The following RIPOR1 variants were observed in gnomAD, a reference collection of about 807,000 sequenced individuals.
The protein encoded by RIPOR1 is rho family-interacting cell polarization regulator 1.
A neutral mutation model predicts 116.5 loss-of-function variants in RIPOR1; 58 were observed. The ratio of observed to expected loss-of-function variants is 0.50; its 90% CI spans 0.40 to 0.62. The LOEUF (loss-of-function observed/expected upper bound fraction) is 0.62. Among genes scored for constraint, RIPOR1 ranks in the 20% least tolerant of loss-of-function variants. The probability of loss-of-function intolerance (pLI) is 0.00; values close to 1 mark genes in which losing one functional copy is unlikely to be tolerated. For missense variants in RIPOR1, 1,372 were observed against 1,586.2 expected, an observed-to-expected ratio of 0.86 and a Z score of 2.29; for synonymous variants, 605 against 650.0, an observed-to-expected ratio of 0.93 and a Z score of 1.05.
upstream of RIPOR1, among the ~76,000 whole-genome samples, chr16:67,528,000 A>C (rs1398969509): frequency 1.3e-5 from 2 of 152,084 alleles, no homozygotes; most frequent in Non-Finnish European, 2.9e-5. Context: ...TAGGTCTGAC[A>C]TACATGAGGG....
intron 1 of RIPOR1, among the ~76,000 whole-genome samples, chr16:67,522,612 G>C (rs1597610858): frequency 6.6e-6 from 1 of 152,116 alleles, no homozygotes; most frequent in African/African-American, 2.4e-5. Flanking sequence ...TGGGATTACA[G>C]GCATGAGCCA....
rs200327287 is a variant in RIPOR1, at chr16:67,538,588, T to C, written c.104+38T>C. On this transcript the variant is annotated intron_variant, in intron 2 of 21. Coordinates refer to ENST00000042381, the MANE Select transcript of RIPOR1 (RefSeq NM_024519.4). ...GCAGGGTTGGTGGGGTCAAAGGGCG[T>C]CAGATGGGGCTGGGTCTGGGGGTGC... The C allele has an allele frequency of 1.1e-4, 173 of 1,608,608 alleles. No individual in the cohort carries two copies. The African/African-American group carries it at 2.1e-3, about 19-fold the overall frequency.
chr16:67,519,827 C>G (rs769098804), intron 1 of RIPOR1, among the ~76,000 whole-genome samples: 1 of 150,734 alleles, frequency 6.6e-6, no homozygotes, highest in Non-Finnish European at 1.5e-5. Flanking sequence ...TGTGGGAGGC[C>G]GAGGCAGATG....
rs113630101 is a variant in RIPOR1, at chr16:67,542,388, A to G, written c.1602A>G (p.Thr534=). The change falls in exon 13 of 22, where the codon ACA becomes ACG. Residue 534 remains threonine (T), a synonymous_variant. Coordinates refer to ENST00000042381, the MANE Select transcript of RIPOR1 (RefSeq NM_024519.4). The surrounding 1 kb of genome is among the most constrained non-coding windows in gnomAD (Gnocchi z 4.6). ...SAHLDSVHKS[T]DSGPSELPGP... ...ACCTAGACTCAGTTCATAAGTCCAC[A>G]GACTCTGGCCCTTCAGAACTGCCAG... The G allele has an allele frequency of 1.8e-3, 2,832 of 1,613,902 alleles. 4 individuals carry two copies. The highest frequency in any genetic ancestry group is 2.1e-3 in the Non-Finnish European group (2,433 of 1,179,934).
chr16:67,541,436 G>A lies in RIPOR1; in HGVS notation c.808G>A (p.Glu270Lys). 3 of 1,613,760 alleles carry A rather than the reference G, an allele frequency of 1.9e-6. No individual in the cohort carries two copies. The highest frequency in any genetic ancestry group is 2.5e-6 in the Non-Finnish European group (3 of 1,179,788). ...CATGCACTCTTGGCTACAGGTGACA[G>A]AACTGAAGGGCCTGGCCAACCATGT... ...LTEFLSIKVT[E>K]LKGLANHVVV... is the part of the protein sequence containing the mutation. The change falls in exon 11 of 22, where the codon GAA becomes AAA. Residue 270 changes from glutamate to lysine, a missense_variant. Physicochemically the swap from Glu to Lys is moderately conservative, Grantham distance 56. Transcript: ENST00000042381. The surrounding 1 kb of genome is among the most constrained non-coding windows in gnomAD (Gnocchi z 4.6).
rs748266857 is a variant in RIPOR1 at position 67,543,199 on chromosome 16, C to T, written c.2413C>T (p.Arg805Cys). The T allele has an allele frequency of 7.1e-6, 11 of 1,559,646 alleles. No individual in the cohort carries two copies. In the African/African-American group the frequency reaches 9.5e-5, roughly 13 times the overall value. ...GALMAALDDY[R>C]GQFPELQGLE... ...CCTAATGGCTGCCCTGGATGACTAC[C>T]GTGGCCAGTTTCCTGAGCTGCAGGG... The change falls in exon 13 of 22, where the codon CGT (arginine) becomes TGT (cysteine). Residue 805 changes from arginine (R) to cysteine (C), a missense_variant. Arg to Cys is a radical substitution (Grantham distance 180). This residue lies in a region of RIPOR1 where 1,005 missense variants were observed against 1,144.7 expected (regional missense o/e 0.88). Coordinates refer to ENST00000042381, the MANE Select transcript of RIPOR1 (RefSeq NM_024519.4). This position sits in a 1 kb window ranked among gnomAD's most constrained non-coding sequence, Gnocchi z 4.7.
Position 67,541,890 on chromosome 16 carries a change from G to T in RIPOR1, c.1104G>T (p.Glu368Asp), listed in dbSNP as rs190985000. 82 of 1,609,520 alleles carry T rather than the reference G, an allele frequency of 5.1e-5. No individual in the cohort carries two copies. The African/African-American group carries it at 6.8e-4, about 13-fold the overall frequency. The change falls in exon 13 of 22, where the codon GAG (glutamate) becomes GAT (aspartate). Residue 368 changes from glutamate (E) to aspartate (D), a missense_variant. Around this residue, in one of 3 missense-constraint regions of RIPOR1, gnomAD observed 1,005 missense variants for 1,144.7 expected, o/e 0.88. Transcript: ENST00000042381. This position sits in a 1 kb window ranked among gnomAD's most constrained non-coding sequence, Gnocchi z 4.6. ...AGAACATGCTGCGACGGCAGGAGGA[G>T]CTGGAGAATGGGACAGCATGGTCCC... ...AFYNMLRRQE[E>D]LENGTAWSLS...
chr16:67,524,821 C>T (rs2050526573), upstream of RIPOR1, among the ~76,000 whole-genome samples: 1 of 152,236 alleles, frequency 6.6e-6, no homozygotes, highest in Non-Finnish European at 1.5e-5. Context: ...GCCCAGGCCA[C>T]CATCCACTGG....
chr16:67,536,258 G>A (rs1423244061), intron 1 of RIPOR1, among the ~76,000 whole-genome samples: 1 of 152,160 alleles, frequency 6.6e-6, no homozygotes, highest in Non-Finnish European at 1.5e-5. Flanking sequence ...GACCAGCCTG[G>A]CCAACATGGT....
upstream of RIPOR1, among the ~76,000 whole-genome samples, chr16:67,523,964 A>C (rs1360848887): frequency 6.6e-6 from 1 of 152,124 alleles, no homozygotes; most frequent in Non-Finnish European, 1.5e-5. Context: ...GGTGTGAGCC[A>C]CTACCACACC....
rs745578222 is a variant in RIPOR1, at chr16:67,542,561, T to C, written c.1775T>C (p.Ile592Thr). ...LTTTGPTLNI[I>T]GPVQTTTSPT... ...ACTACAGGCCCTACCCTCAATATCA[T>C]AGGCCCAGTCCAGACTACCACAAGC... The change falls in exon 13 of 22, where the codon ATA becomes ACA. Residue 592 changes from isoleucine (I) to threonine (T), a missense_variant. Ile to Thr is a moderately conservative substitution (Grantham distance 89, BLOSUM62 -1). This residue lies in a region of RIPOR1 where 1,005 missense variants were observed against 1,144.7 expected (regional missense o/e 0.88). Coordinates refer to ENST00000042381, the MANE Select transcript of RIPOR1 (RefSeq NM_024519.4). This position sits in a 1 kb window ranked among gnomAD's most constrained non-coding sequence, Gnocchi z 4.6. The C allele has an allele frequency of 5.0e-6, 8 of 1,613,578 alleles. No homozygotes were observed. Among genetic ancestry groups the C allele is most frequent in the Non-Finnish European group, 6.8e-6 (8 of 1,179,898 alleles).
At chr16:67,520,862 G>A (rs553906751) in intron 1 of RIPOR1, among the ~76,000 whole-genome samples, 43 of 152,040 alleles carry the variant, frequency 2.8e-4, no homozygotes, top group Non-Finnish European at 5.4e-4. Flanking sequence ...TCACTGAGGG[G>A]CATGAAGGGA....
intron 1 of RIPOR1, among the ~76,000 whole-genome samples, chr16:67,519,849 G>A (rs886217328): frequency 6.6e-6 from 1 of 150,798 alleles, no homozygotes; most frequent in Non-Finnish European, 1.5e-5. Flanking sequence ...ATCACCTGAG[G>A]TCAGGAGCTT....
At chr16:67,525,658 T>A (rs1348323834), upstream of RIPOR1, among the ~76,000 whole-genome samples, 1 of 152,042 alleles carries the variant, frequency 6.6e-6, no homozygotes, top group East Asian at 1.9e-4. Context: ...GTCCCAGGGA[T>A]TTTTCTCAGG....
In RIPOR1 at chr16:67,537,438, C is replaced by CG. The variant is rs2050822979; in HGVS notation, c.-23-980dup. ...GCTGAGTCAGGCGGCAGGAACTGGGCGGGGGGCGGCGCCGGGAGGAGCCGA... is the reference window on the plus strand; with the variant it reads ...GCTGAGTCAGGCGGCAGGAACTGGGCGGGGGGGCGGCGCCGGGAGGAGCCGA... On this transcript the variant is annotated intron_variant, in intron 1 of 21. Coordinates refer to ENST00000042381, the MANE Select transcript of RIPOR1 (RefSeq NM_024519.4). This position sits in a 1 kb window ranked among gnomAD's most constrained non-coding sequence, Gnocchi z 4.6. 3 of 1,241,534 alleles carry CG rather than the reference C, an allele frequency of 2.4e-6. No homozygotes were observed. The highest frequency in any genetic ancestry group is 3.3e-5 in the South Asian group (1 of 30,600). 76.9% of individuals were successfully genotyped at this position (1,241,534 alleles called of 1,614,324 possible).
At position 67,542,381 on chromosome 16, in the gene RIPOR1, A is replaced by C. The variant is rs2051014369; in HGVS notation, c.1595A>C (p.Lys532Thr). 6.2e-7 allele frequency: 1 copy of C among 1,613,852 alleles called. No individual in the cohort carries two copies. Among genetic ancestry groups the C allele is most frequent in the Non-Finnish European group, 8.5e-7 (1 of 1,179,940 alleles). The change falls in exon 13 of 22, where the codon AAG becomes ACG. Residue 532 changes from lysine (K) to threonine (T), a missense_variant. Lys to Thr is a moderately conservative substitution (Grantham distance 78). Transcript: ENST00000042381. This position sits in a 1 kb window ranked among gnomAD's most constrained non-coding sequence, Gnocchi z 4.6. ...TCTGCACACCTAGACTCAGTTCATA[A>C]GTCCACAGACTCTGGCCCTTCAGAA... is the stretch of plus-strand genomic sequence containing the variant. ...APSAHLDSVH[K>T]STDSGPSELP...
At chr16:67,527,446 G>T (rs2050551502), upstream of RIPOR1, among the ~76,000 whole-genome samples, 1 of 151,394 alleles carries the variant, frequency 6.6e-6, no homozygotes, top group East Asian at 2.0e-4. Context: ...AAGAGGAGGG[G>T]CTGGAGAGTG....
At position 67,538,433 on chromosome 16, in the gene RIPOR1, C is replaced by A. The variant is rs1467538393; in HGVS notation, c.-14C>A. ...CCCCGATCACCCGCAGGGAGCCCCG[C>A]GCGGACTCACTCTATGATGTCCCTG... On this transcript the variant is annotated 5_prime_UTR_variant, in exon 2 of 22. Coordinates refer to ENST00000042381, the MANE Select transcript of RIPOR1 (RefSeq NM_024519.4). 1 of 1,588,358 alleles carries A rather than the reference C, an allele frequency of 6.3e-7. No homozygotes were observed. Among genetic ancestry groups the A allele is most frequent in the Non-Finnish European group, 8.6e-7 (1 of 1,167,510 alleles).
At chr16:67,533,841 C>T (rs2050724214) in intron 1 of RIPOR1, among the ~76,000 whole-genome samples, 1 of 139,234 alleles carries the variant, frequency 7.2e-6, no homozygotes, top group Non-Finnish European at 1.5e-5. Context: ...GAGTTTTGCT[C>T]TTGTCGCCCA....
Sources: gnomAD v4.1 joint callset for allele counts (sites outside exome capture counted in the v4.1 genomes callset) on GRCh38, gnomAD v4.1.1 for gene constraint, gnomAD v4.1.1 regional missense constraint, Gnocchi (gnomAD v3.1) non-coding constraint, MANE v1.5 for transcripts, NCBI Gene and HGNC (gene_info 2026-07-23, HGNC 2026-07-21) for gene names.